The following CPNE4 variants were observed in gnomAD, a reference collection of about 807,000 sequenced individuals.
CPNE4 encodes copine-4.
A neutral mutation model predicts 67.9 loss-of-function variants in CPNE4; 25 were observed. The ratio of observed to expected loss-of-function variants is 0.37; its 90% confidence interval spans 0.27 to 0.51. The LOEUF is 0.51. CPNE4 is among the 20% of genes least tolerant of loss of function. The probability of loss-of-function intolerance (pLI) is 0.93; values close to 1 mark genes in which losing one functional copy is unlikely to be tolerated. For missense variants in CPNE4, 464 were observed against 690.8 expected (o/e 0.67, Z 3.68); for synonymous variants, 242 against 244.9 (o/e 0.99, Z 0.11).
chr3:131,982,909 G>C (rs141396909), intron 1 of CPNE4, among the ~76,000 whole-genome samples: 2 of 151,924 alleles, frequency 1.3e-5, no homozygotes, highest in East Asian at 3.9e-4. Flanking sequence ...ATGCTCTAAA[G>C]TTTATGCTTC....
chr3:131,809,703 T>G (rs2084451628), intron 2 of CPNE4, among the ~76,000 whole-genome samples: 1 of 152,132 alleles, frequency 6.6e-6, no homozygotes, highest in African/African-American at 2.4e-5. Context: ...GCTTCAATGT[T>G]TATTTAATAT....
chr3:131,765,909 T>C (rs1253781535), intron 2 of CPNE4, among the ~76,000 whole-genome samples: 1 of 152,056 alleles, frequency 6.6e-6, no homozygotes, highest in South Asian at 2.1e-4. Context: ...AGAAAGACAA[T>C]GGACATCCTA....
rs182820334 is a variant in CPNE4, at chr3:131,735,660, T to C, written c.181-12035A>G. Among the ~76,000 whole-genome samples the C allele has an allele frequency of 1.3e-4, 20 of 152,318 alleles. No individual in the cohort carries two copies. The East Asian group carries it at 3.9e-3, about 29-fold the overall frequency. On this transcript the variant is annotated intron_variant, in intron 2 of 15. Transcript: ENST00000429747. Reference sequence around the variant, plus strand: ...AGTTTGCATTGAAGTGTTAAGAAAATATACATCTCTATTACATGTTTTAGA... The same window carrying C: ...AGTTTGCATTGAAGTGTTAAGAAAACATACATCTCTATTACATGTTTTAGA...
At chr3:131,588,922 C>T (rs764415752) in intron 7 of CPNE4, among the ~76,000 whole-genome samples, 10 of 152,166 alleles carry the variant, frequency 6.6e-5, no homozygotes, top group Admixed American at 2.6e-4. Flanking sequence ...TCCTATCCCC[C>T]TTATAACCCA....
chr3:131,595,045 T>C (rs1446493412), intron 7 of CPNE4, among the ~76,000 whole-genome samples: 1 of 152,176 alleles, frequency 6.6e-6, no homozygotes, highest in Non-Finnish European at 1.5e-5. Flanking sequence ...TTTTTTAAAA[T>C]GTACACACAC....
intron 1 of CPNE4, among the ~76,000 whole-genome samples, chr3:131,961,975 A>T (rs1394863156): frequency 6.6e-6 from 1 of 152,200 alleles, no homozygotes; most frequent in African/African-American, 2.4e-5. Context: ...ATCTGGCCAT[A>T]TCTAGATCAT....
chr3:131,931,687 T>C (rs1441529598), intron 1 of CPNE4, among the ~76,000 whole-genome samples: 1 of 152,114 alleles, frequency 6.6e-6, no homozygotes, highest in Non-Finnish European at 1.5e-5. Flanking sequence ...CTTTACAACT[T>C]AGAAAAAAAA....
intron 2 of CPNE4, among the ~76,000 whole-genome samples, chr3:131,733,694 T>C (rs2082176491): frequency 6.6e-6 from 1 of 152,252 alleles, no homozygotes; most frequent in South Asian, 2.1e-4. Flanking sequence ...CCTCAGTTTA[T>C]AGAAGCTAGG....
chr3:131,628,120 CTTATT>C (rs1386261613), intron 7 of CPNE4, among the ~76,000 whole-genome samples: 1 of 152,182 alleles, frequency 6.6e-6, no homozygotes. Context: ...TAATCGTTAT[CTTATT>C]TTAAGAAATT....
At chr3:131,572,606 T>C (rs989494662) in intron 10 of CPNE4, among the ~76,000 whole-genome samples, 1 of 151,714 alleles carries the variant, frequency 6.6e-6, no homozygotes, top group African/African-American at 2.4e-5. Context: ...TGGAGAAGGA[T>C]GGAAAGTGGC....
intron 2 of CPNE4, among the ~76,000 whole-genome samples, chr3:131,849,751 A>G (rs1468963388): frequency 1.3e-5 from 2 of 152,140 alleles, no homozygotes; most frequent in Non-Finnish European, 2.9e-5. Context: ...TGGTCCCAAG[A>G]AGAAAATGAA....
At chr3:132,019,400 C>T (rs921099965) in intron 1 of CPNE4, among the ~76,000 whole-genome samples, 7 of 152,068 alleles carry the variant, frequency 4.6e-5, no homozygotes, top group Non-Finnish European at 1.0e-4. Flanking sequence ...AGTCATACAG[C>T]TATTGTTTTA....
chr3:131,864,542 T>G (rs1255338013), intron 2 of CPNE4, among the ~76,000 whole-genome samples: 1 of 151,970 alleles, frequency 6.6e-6, no homozygotes, highest in African/African-American at 2.4e-5. Flanking sequence ...CTTGTGAATT[T>G]TGCACATTGA....
intron 14 of CPNE4, 23 bp downstream of exon 14, chr3:131,549,924 G>A (rs778791497): frequency 1.4e-5 from 23 of 1,612,142 alleles, no homozygotes; most frequent in Non-Finnish European, 2.0e-5. Context: ...CTCCCCTTAG[G>A]AGGCAAATAG....
intron 3 of CPNE4, among the ~76,000 whole-genome samples, chr3:131,708,018 G>A (rs932611822): frequency 6.6e-6 from 1 of 152,140 alleles, no homozygotes; most frequent in African/African-American, 2.4e-5. Flanking sequence ...TTTGGGAAAT[G>A]CTATTTTCCT....
At chr3:131,792,679 ACACACG>A (rs1323193114) in intron 2 of CPNE4, among the ~76,000 whole-genome samples, 4 of 53,668 alleles carry the variant, frequency 7.5e-5, no homozygotes, top group African/African-American at 2.2e-4. Context: ...ATACATATAT[ACACACG>A]TGTATATATA....
At chr3:131,986,673 G>T (rs1445785752) in intron 1 of CPNE4, among the ~76,000 whole-genome samples, 2 of 152,138 alleles carry the variant, frequency 1.3e-5, no homozygotes, top group Non-Finnish European at 2.9e-5. Flanking sequence ...CAGGCAGGCG[G>T]ATCACGAGGT....
intron 14 of CPNE4, among the ~76,000 whole-genome samples, chr3:131,543,809 C>T (rs556775121): frequency 2.7e-4 from 41 of 152,322 alleles, no homozygotes; most frequent in Non-Finnish European, 5.4e-4. Context: ...CCTCTGAAGG[C>T]CATGTGCCAC....
chr3:131,735,872 A>G (rs1227070588), intron 2 of CPNE4, among the ~76,000 whole-genome samples: 2 of 152,116 alleles, frequency 1.3e-5, no homozygotes, highest in Non-Finnish European at 2.9e-5. Flanking sequence ...CCCTGCCTCT[A>G]TTTTTCCCTG....
Sources: allele counts gnomAD v4.1 joint callset (sites outside exome capture counted in the v4.1 genomes callset), GRCh38; gene constraint gnomAD v4.1.1; transcripts MANE v1.5; gene names NCBI Gene and HGNC (gene_info 2026-07-23, HGNC 2026-07-21).